The following CCDC39 variants were observed in gnomAD, a reference collection of about 807,000 sequenced individuals.
CCDC39 encodes coiled-coil domain 39 molecular ruler complex subunit.
CCDC39 carries 113 observed loss-of-function variants against 121.0 expected under a neutral mutation model. That is an observed-to-expected ratio of 0.93 (90% CI 0.80 to 1.09). The LOEUF is 1.09. CCDC39 is among the 50% of genes least tolerant of loss of function. The probability of loss-of-function intolerance (pLI) is 0.00; values close to 1 mark genes in which losing one functional copy is unlikely to be tolerated. For missense variants in CCDC39, 1,063 were observed against 1,074.7 expected (o/e 0.99, Z 0.15); for synonymous variants, 349 against 352.2 (o/e 0.99, Z 0.10).
At chr3:180,654,062 A>T (rs1711523301) in intron 7 of CCDC39, among the ~76,000 whole-genome samples, 1 of 151,484 alleles carries the variant, frequency 6.6e-6, no homozygotes, top group Non-Finnish European at 1.5e-5. Context: ...GCAAAAAAAA[A>T]AAAACCAGAC....
Position 180,679,272 on chromosome 3 carries a change from C to T in CCDC39, c.90+19G>A. The T allele has an allele frequency of 1.2e-6, 2 of 1,607,498 alleles. No homozygotes were observed. The highest frequency in any genetic ancestry group is 1.1e-5 in the South Asian group (1 of 90,930). Reference sequence around the variant, plus strand: ...ACAGGCTCTCTCTGCTTCCTCCCGCCTGCTTCAATTGATCTCACCTGATCT... The same window carrying T: ...ACAGGCTCTCTCTGCTTCCTCCCGCTTGCTTCAATTGATCTCACCTGATCT... On this transcript the variant is annotated intron_variant, in intron 1 of 19. Coordinates refer to ENST00000476379, the MANE Select transcript of CCDC39 (RefSeq NM_181426.2). The surrounding 1 kb of genome is among the most constrained non-coding windows in gnomAD (Gnocchi z 4.0).
chr3:180,669,296 C>T (rs1711969078), intron 1 of CCDC39, among the ~76,000 whole-genome samples: 1 of 152,094 alleles, frequency 6.6e-6, no homozygotes, highest in African/African-American at 2.4e-5. Context: ...ACCATCACAA[C>T]TATTCTGTCT....
intron 14 of CCDC39, among the ~76,000 whole-genome samples, chr3:180,628,694 A>G (rs1328374219): frequency 6.6e-6 from 1 of 152,204 alleles, no homozygotes; most frequent in Non-Finnish European, 1.5e-5. Flanking sequence ...AGCCATAAAC[A>G]ATATATAAAT....
rs754991757 is a variant in CCDC39 at position 180,660,696 on chromosome 3, A to T, written c.390T>A (p.Asp130Glu). Reference sequence around the variant, plus strand: ...CCCAGTTCATTTGACATTTCAAACCATCCAATTTTTGAGTGGCTTTAAATA... The same window carrying T: ...CCCAGTTCATTTGACATTTCAAACCTTCCAATTTTTGAGTGGCTTTAAATA... Reference protein sequence around the residue: ...NGIFKATQKLDGLKCQMNWDQ... With the variant: ...NGIFKATQKLEGLKCQMNWDQ... Residue 130 changes from aspartate to glutamate, a missense_variant, in exon 4 of 20, where the codon GAT (aspartate) becomes GAA (glutamate). By Grantham distance (45) the Asp-to-Glu change is conservative. Coordinates refer to ENST00000476379, the MANE Select transcript of CCDC39 (RefSeq NM_181426.2). 1.9e-6 allele frequency: 3 copies of T among 1,602,894 alleles called. No homozygotes were observed. The highest frequency in any genetic ancestry group is 2.6e-6 in the Non-Finnish European group (3 of 1,173,988).
intron 1 of CCDC39, among the ~76,000 whole-genome samples, chr3:180,674,086 G>A (rs955357691): frequency 6.6e-6 from 1 of 151,980 alleles, no homozygotes; most frequent in Non-Finnish European, 1.5e-5. Context: ...CCATTTTCAC[G>A]ATATTGATTC....
intron 13 of CCDC39, among the ~76,000 whole-genome samples, chr3:180,633,887 A>G (rs1717760486): frequency 6.6e-6 from 1 of 152,112 alleles, no homozygotes; most frequent in Admixed American, 6.5e-5. Context: ...TGCTCCACCC[A>G]TGGCTGAGCA....
intron 14 of CCDC39, among the ~76,000 whole-genome samples, chr3:180,626,490 T>C (rs1336446634): frequency 1.3e-5 from 2 of 152,018 alleles, no homozygotes; most frequent in South Asian, 2.1e-4. Flanking sequence ...TGGAACAGCA[T>C]GGGTAAGAAG....
intron 13 of CCDC39, among the ~76,000 whole-genome samples, chr3:180,635,982 A>T (rs1694337661): frequency 6.6e-6 from 1 of 152,190 alleles, no homozygotes; most frequent in Non-Finnish European, 1.5e-5. Context: ...TCTATGACAA[A>T]CCCACAGCCA....
Position 180,618,408 on chromosome 3 carries a change from C to CT in CCDC39, c.2265+850dup, listed in dbSNP as rs886685437. Among the ~76,000 whole-genome samples, 17 of 148,518 alleles carry CT rather than the reference C, an allele frequency of 1.1e-4. No homozygotes were observed. In the East Asian group the frequency reaches 2.0e-3, roughly 17 times the overall value. Reference sequence around the variant, plus strand: ...ATGTTTAGCGCCTGCTTACAAGGCACTTTTTTTTTTAATTATACTTTAAGT... The same window carrying CT: ...ATGTTTAGCGCCTGCTTACAAGGCACTTTTTTTTTTTAATTATACTTTAAGT... On this transcript the variant is annotated intron_variant, in intron 16 of 19. Coordinates refer to ENST00000476379, the MANE Select transcript of CCDC39 (RefSeq NM_181426.2).
intron 1 of CCDC39, among the ~76,000 whole-genome samples, chr3:180,671,704 G>A (rs1037105077): frequency 6.6e-6 from 1 of 152,214 alleles, no homozygotes; most frequent in Admixed American, 6.5e-5. Flanking sequence ...GGGATTACAG[G>A]CATGCACCAC....
At chr3:180,641,960 T>A (rs754636267) in intron 13 of CCDC39, 33 bp downstream of exon 13, 19 of 1,465,540 alleles carry the variant, frequency 1.3e-5, no homozygotes, top group Middle Eastern at 1.8e-4. Flanking sequence ...CCTGTTTTTT[T>A]AATTCCTCAG....
At chr3:180,636,025 T>A (rs779808114) in intron 13 of CCDC39, among the ~76,000 whole-genome samples, 1 of 152,182 alleles carries the variant, frequency 6.6e-6, no homozygotes, top group Non-Finnish European at 1.5e-5. Context: ...GCTGGAAGCA[T>A]TCCTCTTGAA....
chr3:180,659,561 G>C lies in CCDC39; in HGVS notation c.629C>G (p.Ala210Gly). 2 of 1,612,920 alleles carry C rather than the reference G, an allele frequency of 1.2e-6. No homozygotes were observed. The highest frequency in any genetic ancestry group is 1.7e-6 in the Non-Finnish European group (2 of 1,179,498). Reference protein sequence around the residue: ...ISAQLELDKAAQDFRKIHNER... With the variant: ...ISAQLELDKAGQDFRKIHNER... ...ATTATGAATCTTACGAAAATCTTGT[G>C]CTGCTTTATCCAATTCTAACTGTCA... The change falls in exon 6 of 20, where the codon GCA (alanine) becomes GGA (glycine). Residue 210 changes from alanine to glycine, a missense_variant. Coordinates refer to ENST00000476379, the MANE Select transcript of CCDC39 (RefSeq NM_181426.2).
intron 13 of CCDC39, among the ~76,000 whole-genome samples, chr3:180,634,430 A>G (rs546346111): frequency 1.3e-5 from 2 of 152,170 alleles, no homozygotes; most frequent in Non-Finnish European, 2.9e-5. Flanking sequence ...TTGGGCCCAT[A>G]GCACAGACTA....
At chr3:180,653,344 A>G (rs1203321890) in intron 7 of CCDC39, among the ~76,000 whole-genome samples, 1 of 152,192 alleles carries the variant, frequency 6.6e-6, no homozygotes, top group Non-Finnish European at 1.5e-5. Flanking sequence ...CCTATAGCCA[A>G]GGATTATTAT....
At chr3:180,632,227 G>A (rs1717718067) in intron 13 of CCDC39, among the ~76,000 whole-genome samples, 4 of 152,200 alleles carry the variant, frequency 2.6e-5, no homozygotes, top group Admixed American at 6.5e-5. Flanking sequence ...CAGGGCGGTT[G>A]AGAATTGTCT....
At chr3:180,650,786 G>A (rs752437082) in intron 9 of CCDC39, among the ~76,000 whole-genome samples, 4 of 152,026 alleles carry the variant, frequency 2.6e-5, no homozygotes, top group Non-Finnish European at 5.9e-5. Flanking sequence ...GAACCTGTGA[G>A]GTGGAGGTTG....
rs748375197 is a variant in CCDC39 at position 180,616,822 on chromosome 3, A to C, written c.2406+4T>G. The C allele has an allele frequency of 2.5e-6, 4 of 1,609,770 alleles. No individual in the cohort carries two copies. The highest frequency in any genetic ancestry group is 2.5e-6 in the Non-Finnish European group (3 of 1,177,396). ...AAAGGTCAGTTTTTAAAAGATATCG[A>C]TACCTGTTTGGTCACTCTTTCTAAT... On this transcript the variant is annotated splice_donor_region_variant and intron_variant, in intron 17 of 19. Transcript: ENST00000476379.
chr3:180,634,334 C>T (rs1717776370), intron 13 of CCDC39, among the ~76,000 whole-genome samples: 1 of 152,168 alleles, frequency 6.6e-6, no homozygotes, highest in African/African-American at 2.4e-5. Context: ...CAACAAGCTG[C>T]AATCCACCCA....
Sources: allele counts gnomAD v4.1 joint callset (sites outside exome capture counted in the v4.1 genomes callset), GRCh38; gene constraint gnomAD v4.1.1; non-coding constraint Gnocchi (gnomAD v3.1); transcripts MANE v1.5; gene names NCBI Gene and HGNC (gene_info 2026-07-23, HGNC 2026-07-21).